MFAP3: variants seen among roughly 807,000 people sequenced by gnomAD.
The protein encoded by MFAP3 is microfibril associated protein 3, also known as microfibril-associated glycoprotein 3.
A neutral mutation model predicts 20.5 loss-of-function variants in MFAP3; 8 were observed. That is an observed-to-expected ratio of 0.39 (90% CI 0.23 to 0.70). The LOEUF is 0.70. MFAP3 is among the 30% of genes least tolerant of loss of function. MFAP3 has a pLI of 0.44. For missense variants in MFAP3, 398 were observed against 444.6 expected, an observed-to-expected ratio of 0.90 and a Z score of 0.94; for synonymous variants, 140 against 154.0, an observed-to-expected ratio of 0.91 and a Z score of 0.67.
At chr5:154,049,211 AATGAAATAGAATC>A (rs1773125733) in intron 1 of MFAP3, among the ~76,000 whole-genome samples, 2 of 152,312 alleles carry the variant, frequency 1.3e-5, no homozygotes, top group South Asian at 4.1e-4. Flanking sequence ...AATTTGTCAG[AATGAAATAGAATC>A]ATGGCATTTC....
intron 1 of MFAP3, among the ~76,000 whole-genome samples, chr5:154,039,667 C>T (rs1410176952): frequency 6.6e-6 from 1 of 152,146 alleles, no homozygotes; most frequent in African/African-American, 2.4e-5. Context: ...ACTCCTGGGA[C>T]CTCATCAGAA....
At position 154,053,964 on chromosome 5, in the gene MFAP3, A is replaced by G; in HGVS notation, c.*251A>G. 1 of 415,414 alleles carries G rather than the reference A, an allele frequency of 2.4e-6. No individual in the cohort carries two copies. The highest frequency in any genetic ancestry group is 4.5e-6 in the Non-Finnish European group (1 of 222,946). The allele number at this position is 415,414 out of a possible 1,614,324, so 25.7% of individuals were successfully genotyped here. A position where few individuals can be genotyped will look rare whatever the true frequency, so the allele number is the denominator to read the frequency against. The stretch of plus-strand genomic sequence containing the variant: ...TAAGATTTAAAGGAGCCCCAGATAA[A>G]CATGATGGGGAAAAGCACTGAACTA... On this transcript the variant is annotated 3_prime_UTR_variant, in exon 3 of 3. Coordinates refer to ENST00000522782, the MANE Select transcript of MFAP3 (RefSeq NM_005927.5).
Position 154,049,940 on chromosome 5 carries a change from G to A in MFAP3, c.218G>A (p.Cys73Tyr). 6.2e-7 allele frequency: 1 copy of A among 1,613,602 alleles called. No homozygotes were observed. The highest frequency in any genetic ancestry group is 1.7e-5 in the Admixed American group (1 of 59,978). ...GAGGGAACTAGCGTTTCAATTGAGT[G>A]TCTTCTCACAGCCAGTCACTATGAA... is the stretch of plus-strand genomic sequence containing the variant. ...AKEGTSVSIE[C>Y]LLTASHYEDV... is the part of the protein sequence containing the mutation. Residue 73 changes from cysteine (C) to tyrosine (Y), a missense_variant, in exon 2 of 3, where the codon TGT becomes TAT. Transcript: ENST00000522782.
Position 154,055,203 on chromosome 5 carries a change from G to T in MFAP3, c.*1490G>T, listed in dbSNP as rs554961622. Among the ~76,000 whole-genome samples the T allele has an allele frequency of 6.6e-6, 1 of 152,336 alleles. No homozygotes were observed. Among genetic ancestry groups the T allele is most frequent in the African/African-American group, 2.4e-5 (1 of 41,584 alleles). Reference sequence around the variant, plus strand: ...TTCTGATTATTGAAGCATTACTTCAGCTAGAGGCTCCTGAGGGAAATGTTC... The same window carrying T: ...TTCTGATTATTGAAGCATTACTTCATCTAGAGGCTCCTGAGGGAAATGTTC... On this transcript the variant is annotated 3_prime_UTR_variant, in exon 3 of 3. Coordinates refer to ENST00000522782, the MANE Select transcript of MFAP3 (RefSeq NM_005927.5).
chr5:154,052,861 C>T (rs767298717), intron 2 of MFAP3, 59 bp from the exon 3 acceptor site: 7 of 1,394,406 alleles, frequency 5.0e-6, no homozygotes, highest in Admixed American at 1.9e-5. Context: ...GATAAGGCAG[C>T]GGGCATATTT....
intron 1 of MFAP3, among the ~76,000 whole-genome samples, chr5:154,039,760 C>T (rs1432724008): frequency 6.6e-6 from 1 of 152,142 alleles, no homozygotes; most frequent in African/African-American, 2.4e-5. Context: ...TAAAATCAAT[C>T]TTATTGTACA....
intron 2 of MFAP3, among the ~76,000 whole-genome samples, chr5:154,052,332 G>A (rs1162084603): frequency 6.6e-6 from 1 of 151,572 alleles, no homozygotes; most frequent in Non-Finnish European, 1.5e-5. Context: ...AAATTGATAT[G>A]TGCAAGGCAT....
chr5:154,039,754 A>G (rs1363682137), intron 1 of MFAP3, among the ~76,000 whole-genome samples: 1 of 152,230 alleles, frequency 6.6e-6, no homozygotes, highest in Non-Finnish European at 1.5e-5. Flanking sequence ...AAATATTAAA[A>G]TCAATCTTAT....
intron 1 of MFAP3, among the ~76,000 whole-genome samples, chr5:154,042,327 A>G (rs1362194087): frequency 6.6e-6 from 1 of 152,220 alleles, no homozygotes; most frequent in Non-Finnish European, 1.5e-5. Context: ...AGTTATGGGT[A>G]TAACTGAAAT....
intron 1 of MFAP3, among the ~76,000 whole-genome samples, chr5:154,046,460 G>T (rs1773074396): frequency 6.6e-6 from 1 of 152,148 alleles, no homozygotes; most frequent in African/African-American, 2.4e-5. Flanking sequence ...GTTCTTAAGG[G>T]GTAGTTGAGA....
At position 154,055,951 on chromosome 5, in the gene MFAP3, C is replaced by A. The variant is rs961790138; in HGVS notation, c.*2238C>A. Among the ~76,000 whole-genome samples the A allele has an allele frequency of 6.6e-6, 1 of 152,176 alleles. No individual in the cohort carries two copies. Among genetic ancestry groups the A allele is most frequent in the African/African-American group, 2.4e-5 (1 of 41,448 alleles). ...CTTGTCTGGGGGTCAGTCCTCTAAA[C>A]ATCCCTCAGATTTCAGATAGTACTT... On this transcript the variant is annotated 3_prime_UTR_variant, in exon 3 of 3. Transcript: ENST00000522782.
intron 1 of MFAP3, among the ~76,000 whole-genome samples, chr5:154,043,548 T>TCACACA (rs145579460): frequency 0.024 from 3,612 of 149,300 alleles, 60 homozygotes; most frequent in Middle Eastern, 0.042. Flanking sequence ...CGAAACTCCG[T>TCACACA]CACACACACA....
intron 1 of MFAP3, among the ~76,000 whole-genome samples, chr5:154,045,806 C>G (rs1267867850): frequency 6.6e-6 from 1 of 152,152 alleles, no homozygotes; most frequent in Non-Finnish European, 1.5e-5. Context: ...CTACCCTGCT[C>G]TTATTAGAGA....
chr5:154,040,453 T>C (rs558169892), intron 1 of MFAP3, among the ~76,000 whole-genome samples: 44 of 152,334 alleles, frequency 2.9e-4, no homozygotes, highest in Non-Finnish European at 5.3e-4. Context: ...TCAATCATCA[T>C]GTAACTTTTA....
rs1311670130 is a variant in MFAP3, at chr5:154,053,464, A to C, written c.840A>C (p.Gln280His). The change falls in exon 3 of 3, where the codon CAA becomes CAC. Residue 280 changes from glutamine (Q) to histidine (H), a missense_variant. Gln to His is a conservative substitution (Grantham distance 24). Coordinates refer to ENST00000522782, the MANE Select transcript of MFAP3 (RefSeq NM_005927.5). ...AAGAGAGACCTGCCTTGAATGCTCA[A>C]GGTGGCATCTATGTCATTAACCCAG... ...RIKERPALNA[Q>H]GGIYVINPEM... 3 of 1,613,796 alleles carry C rather than the reference A, an allele frequency of 1.9e-6. No individual in the cohort carries two copies.
At chr5:154,039,355 G>C (rs1772842025) in intron 1 of MFAP3, 2 of 152,252 alleles carry the variant, frequency 1.3e-5, no homozygotes, top group South Asian at 4.1e-4. Flanking sequence ...ATGGAACGAA[G>C]TGGGAGAGTA....
In MFAP3 at chr5:154,055,829, G is replaced by T. The variant is rs1436654626; in HGVS notation, c.*2116G>T. On this transcript the variant is annotated 3_prime_UTR_variant, in exon 3 of 3. Coordinates refer to ENST00000522782, the MANE Select transcript of MFAP3 (RefSeq NM_005927.5). ...TCACTTTGTTGCCCAGGCTGACCTTGTACTTGTGGCTTCAAATGATCCTCC... is the reference window on the plus strand; with the variant it reads ...TCACTTTGTTGCCCAGGCTGACCTTTTACTTGTGGCTTCAAATGATCCTCC... 6.6e-6 allele frequency among the ~76,000 whole-genome samples: 1 copy of T among 151,948 alleles called. No individual in the cohort carries two copies.
chr5:154,046,381 A>G (rs764440388), intron 1 of MFAP3, among the ~76,000 whole-genome samples: 9 of 152,212 alleles, frequency 5.9e-5, no homozygotes, highest in Non-Finnish European at 8.8e-5. Context: ...TCAAATTTAA[A>G]CTAATCTCCA....
intron 1 of MFAP3, 136 bp downstream of exon 1, chr5:154,039,147 G>A (rs1421458198): frequency 2.0e-5 from 3 of 152,308 alleles, no homozygotes; most frequent in Non-Finnish European, 2.9e-5. Flanking sequence ...TGGCCTGGGT[G>A]TGGGAGTTCG....
Sources: allele counts gnomAD v4.1 joint callset (sites outside exome capture counted in the v4.1 genomes callset), GRCh38; gene constraint gnomAD v4.1.1; transcripts MANE v1.5; gene names NCBI Gene and HGNC (gene_info 2026-07-23, HGNC 2026-07-21).